Variants in PROS1 observed in about 807,000 individuals in gnomAD.
PROS1 encodes vitamin K-dependent protein S.
A neutral mutation model predicts 75.9 loss-of-function variants in PROS1; 29 were observed. The observed-to-expected ratio is 0.38, with a 90% CI of 0.28 to 0.52. The LOEUF (loss-of-function observed/expected upper bound fraction) is 0.52, where lower values mean the gene tolerates loss of function less well. Ranked by LOEUF, PROS1 falls within the 20% of genes least tolerant of loss-of-function variation. The pLI is 0.83. For missense variants in PROS1, 680 were observed against 810.3 expected, an observed-to-expected ratio of 0.84 and a Z score of 1.95; for synonymous variants, 245 against 280.6, an observed-to-expected ratio of 0.87 and a Z score of 1.27.
rs186185589 is a variant in PROS1, at chr3:93,918,608, G to A, written c.259+5632C>T. Among the ~76,000 whole-genome samples the A allele has an allele frequency of 4.7e-4, 72 of 152,204 alleles. 1 individual carries two copies. Among genetic ancestry groups the A allele is most frequent in the African/African-American group, 1.5e-3 (63 of 41,526 alleles). The stretch of plus-strand genomic sequence containing the variant: ...CTTTAAGAACTGTAACACTCACCGC[G>A]AGGGTCGGCGGCTTCATTCTTGAAG... On this transcript the variant is annotated intron_variant, in intron 3 of 14. Transcript: ENST00000394236.
At chr3:93,934,765 A>G (rs968814839) in intron 1 of PROS1, among the ~76,000 whole-genome samples, 6 of 152,170 alleles carry the variant, frequency 3.9e-5, no homozygotes, top group African/African-American at 1.4e-4. Flanking sequence ...GAAGTAGAAA[A>G]GCCACTGGTG....
At chr3:93,956,536 A>T (rs1166975588) in intron 1 of PROS1, among the ~76,000 whole-genome samples, 2 of 54,968 alleles carry the variant, frequency 3.6e-5, no homozygotes, top group Non-Finnish European at 9.2e-5. Context: ...CTCTCTCTAC[A>T]CACACACACA....
chr3:93,897,409 T>C (rs991787141), intron 8 of PROS1, among the ~76,000 whole-genome samples: 1 of 152,092 alleles, frequency 6.6e-6, no homozygotes, highest in Non-Finnish European at 1.5e-5. Flanking sequence ...ATATTAAATA[T>C]AGGCCCAGAA....
chr3:93,912,853 C>A (rs1006960624), intron 3 of PROS1, among the ~76,000 whole-genome samples: 4 of 152,194 alleles, frequency 2.6e-5, no homozygotes, highest in African/African-American at 9.6e-5. Context: ...TAGGCCCCAC[C>A]TCCCAACACT....
intron 7 of PROS1, among the ~76,000 whole-genome samples, chr3:93,899,930 A>G (rs572256849): frequency 2.4e-4 from 37 of 152,318 alleles, no homozygotes; most frequent in African/African-American, 8.7e-4. Flanking sequence ...TTAAAAGAGT[A>G]CATTAAAACT....
At chr3:93,928,254 G>T (rs189380948) in intron 1 of PROS1, among the ~76,000 whole-genome samples, 3 of 149,912 alleles carry the variant, frequency 2.0e-5, no homozygotes, top group Non-Finnish European at 3.0e-5. Context: ...CCACTTGAGT[G>T]CAGGAATTCA....
At chr3:93,907,460 T>C (rs1460538216) in intron 4 of PROS1, among the ~76,000 whole-genome samples, 5 of 152,026 alleles carry the variant, frequency 3.3e-5, no homozygotes, top group Admixed American at 1.3e-4. Flanking sequence ...GCAGAGACAA[T>C]GGGATGACCT....
intron 10 of PROS1, among the ~76,000 whole-genome samples, chr3:93,890,911 G>A (rs1708422546): frequency 6.6e-6 from 1 of 152,074 alleles, no homozygotes; most frequent in Non-Finnish European, 1.5e-5. Flanking sequence ...TTCAGGACCA[G>A]CCTGGCCAAC....
rs1195308308 is a variant in PROS1 at position 93,886,320 on chromosome 3, A to C, written c.1323+16T>G. 6.8e-6 allele frequency: 11 copies of C among 1,610,740 alleles called. No individual in the cohort carries two copies. Among genetic ancestry groups the C allele is most frequent in the Non-Finnish European group, 9.3e-6 (11 of 1,177,034 alleles). The stretch of plus-strand genomic sequence containing the variant: ...GGAACTCATCCATGATGAATGATAC[A>C]AGCTTGGATCATTACCGGTTTAATG... On this transcript the variant is annotated intron_variant, in intron 11 of 14. Transcript: ENST00000394236.
chr3:93,950,319 G>A (rs1709475702), intron 1 of PROS1, among the ~76,000 whole-genome samples: 1 of 152,174 alleles, frequency 6.6e-6, no homozygotes, highest in East Asian at 1.9e-4. Context: ...CTGTCTGACA[G>A]CTTTCAAGAG....
chr3:93,937,407 G>A (rs551554157), intron 1 of PROS1, among the ~76,000 whole-genome samples: 43 of 145,838 alleles, frequency 2.9e-4, no homozygotes, highest in East Asian at 1.9e-3. Context: ...TCACTCTGTC[G>A]CCCAGGCTGG....
intron 1 of PROS1, among the ~76,000 whole-genome samples, chr3:93,928,282 G>A: frequency 6.7e-6 from 1 of 149,166 alleles, no homozygotes; most frequent in East Asian, 2.0e-4. Flanking sequence ...AGTGAGCTGT[G>A]ATCATACCAC....
chr3:93,950,251 T>C (rs189879696), intron 1 of PROS1, among the ~76,000 whole-genome samples: 51 of 152,294 alleles, frequency 3.3e-4, no homozygotes, highest in Admixed American at 1.2e-3. Flanking sequence ...ACTCCACCTC[T>C]AGGGGCAGGG....
intron 13 of PROS1, among the ~76,000 whole-genome samples, chr3:93,878,769 C>G (rs1708228456): frequency 6.6e-6 from 1 of 152,150 alleles, no homozygotes; most frequent in Non-Finnish European, 1.5e-5. Flanking sequence ...GAATATCTGA[C>G]AGTGCACTGT....
intron 3 of PROS1, among the ~76,000 whole-genome samples, chr3:93,914,502 C>G (rs557251619): frequency 6.6e-6 from 1 of 152,258 alleles, no homozygotes; most frequent in Non-Finnish European, 1.5e-5. Flanking sequence ...AGCAGAGTCC[C>G]TAGGTCGTGC....
intron 6 of PROS1, among the ~76,000 whole-genome samples, chr3:93,904,401 T>C (rs1354796293): frequency 6.6e-6 from 1 of 152,154 alleles, no homozygotes; most frequent in Non-Finnish European, 1.5e-5. Flanking sequence ...TGATCACAAA[T>C]TGGATAACTG....
chr3:93,875,336 C>T (rs890838441), intron 14 of PROS1, among the ~76,000 whole-genome samples: 3 of 151,972 alleles, frequency 2.0e-5, no homozygotes, highest in African/African-American at 7.3e-5. Flanking sequence ...ATAATTTACC[C>T]ATCTCACAGT....
intron 12 of PROS1, among the ~76,000 whole-genome samples, chr3:93,882,825 C>A (rs572776859): frequency 6.6e-6 from 1 of 152,220 alleles, no homozygotes; most frequent in African/African-American, 2.4e-5. Flanking sequence ...AAAGCAGCAC[C>A]AGCTACAGGG....
At chr3:93,917,308 T>C (rs1163973086) in intron 3 of PROS1, among the ~76,000 whole-genome samples, 1 of 152,252 alleles carries the variant, frequency 6.6e-6, no homozygotes, top group East Asian at 1.9e-4. Flanking sequence ...TTTTGTTTCT[T>C]TGTTTTTTTC....
Sources: gnomAD v4.1 joint callset for allele counts (sites outside exome capture counted in the v4.1 genomes callset) on GRCh38, gnomAD v4.1.1 for gene constraint, MANE v1.5 for transcripts, NCBI Gene and HGNC (gene_info 2026-07-23, HGNC 2026-07-21) for gene names.